The following GNL3L variants were observed in gnomAD, a reference collection of about 807,000 sequenced individuals.
GNL3L encodes guanine nucleotide-binding protein-like 3-like protein.
A neutral mutation model predicts 42.9 loss-of-function variants in GNL3L; 4 were observed. The observed-to-expected ratio is 0.09, with a 90% confidence interval of 0.05 to 0.21. The LOEUF is 0.21. Among genes scored for constraint, GNL3L ranks in the 10% least tolerant of loss-of-function variants. The pLI is 1.00. For synonymous variants in GNL3L, 159 were observed against 176.3 expected (o/e 0.90, Z 0.78); for missense variants, 412 against 481.7 (o/e 0.86, Z 1.36).
rs1409748849 is a variant in GNL3L, at chrX:54,562,705, A to T, written c.*2103A>T. On this transcript the variant is annotated 3_prime_UTR_variant, in exon 16 of 16. Transcript: ENST00000360845. ...TTATGCAGGAGGCTGAGGCAGGAGA[A>T]TCACTTGATCTCAGGAGGCGGAGGT... Among the ~76,000 whole-genome samples the T allele has an allele frequency of 9.1e-6, 1 of 110,287 alleles. No individual in the cohort carries two copies. The highest frequency in any genetic ancestry group is 2.9e-4 in the East Asian group (1 of 3,506).
intron 13 of GNL3L, among the ~76,000 whole-genome samples, chrX:54,553,852 TTC>T (rs1369048620): frequency 1.8e-5 from 2 of 111,919 alleles, no homozygotes; most frequent in East Asian, 5.6e-4. Context: ...TAGTTTCCTC[TTC>T]TGTTAAATAG....
the GNL3L span, among the ~76,000 whole-genome samples, chrX:54,639,379 C>G: frequency 6.2e-5 from 7 of 112,365 alleles, no homozygotes; most frequent in African/African-American, 2.3e-4. Context: ...CGTGCCCCGC[C>G]CGCCCGACTC....
intron 16 of GNL3L, among the ~76,000 whole-genome samples, chrX:54,611,032 T>C (rs1402406610): frequency 9.0e-6 from 1 of 111,444 alleles, no homozygotes; most frequent in Non-Finnish European, 1.9e-5. Context: ...CTGCTTGTTA[T>C]TGGTCTGTTC....
the GNL3L span, among the ~76,000 whole-genome samples, chrX:54,628,143 C>T: frequency 5.4e-5 from 6 of 110,380 alleles, no homozygotes; most frequent in Admixed American, 9.8e-5. Flanking sequence ...GAATAATGGT[C>T]TCCAACTCCG....
intron 8 of GNL3L, among the ~76,000 whole-genome samples, chrX:54,547,567 T>C (rs1391632484): frequency 9.1e-6 from 1 of 110,258 alleles, no homozygotes; most frequent in Non-Finnish European, 1.9e-5. Flanking sequence ...TAGCCGGGTG[T>C]GGTGGTGCAT....
At chrX:54,631,685 C>A in the GNL3L span, among the ~76,000 whole-genome samples, 2 of 111,648 alleles carry the variant, frequency 1.8e-5, no homozygotes, top group African/African-American at 6.5e-5. Context: ...CTCTTGAAGA[C>A]AGCAGGTACT....
intron 8 of GNL3L, among the ~76,000 whole-genome samples, chrX:54,547,338 C>T (rs1924805454): frequency 9.0e-6 from 1 of 111,580 alleles, no homozygotes; most frequent in Admixed American, 9.6e-5. Flanking sequence ...TTGTATTCCA[C>T]TTTAAGGCTA....
the GNL3L span, among the ~76,000 whole-genome samples, chrX:54,631,045 G>A: frequency 2.7e-5 from 3 of 109,603 alleles, no homozygotes; most frequent in African/African-American, 1.0e-4. Context: ...GACCTCAGGC[G>A]ATCCACCCGC....
chrX:54,614,829 G>A (rs1926203499), intron 16 of GNL3L, among the ~76,000 whole-genome samples: 2 of 111,115 alleles, frequency 1.8e-5, no homozygotes, highest in South Asian at 7.6e-4. Flanking sequence ...GGGTCCTCTT[G>A]GGATTGCTTG....
chrX:54,572,628 CG>C (rs1325087493), intron 16 of GNL3L, among the ~76,000 whole-genome samples: 2 of 105,816 alleles, frequency 1.9e-5, no homozygotes, highest in African/African-American at 7.0e-5. Flanking sequence ...GCTGGCCGGG[CG>C]GGGGGCTGAC....
Position 54,554,644 on chromosome X carries a change from G to A in GNL3L, c.1398G>A (p.Pro466=), listed in dbSNP as rs761631398. The change falls in exon 14 of 16, where the codon CCG becomes CCA. Residue 466 remains proline, a synonymous_variant. Coordinates refer to ENST00000360845, the MANE Select transcript of GNL3L (RefSeq NM_001184819.2). ...LEMEIKLLHS[P]MTKIADAIEN... The stretch of plus-strand genomic sequence containing the variant: ...TGGAGATCAAGTTGCTCCATTCTCC[G>A]ATGACGAAAATAGCAGATGCCATTG... The A allele has an allele frequency of 2.5e-6, 3 of 1,206,008 alleles. No homozygotes were observed. Among genetic ancestry groups the A allele is most frequent in the Non-Finnish European group, 3.4e-6 (3 of 890,526 alleles).
intron 16 of GNL3L, among the ~76,000 whole-genome samples, chrX:54,572,794 C>T (rs1390830605): frequency 5.7e-5 from 6 of 105,271 alleles, no homozygotes; most frequent in South Asian, 4.3e-4. Flanking sequence ...TCAGACGGGG[C>T]AGCTGCCGGG....
intron 16 of GNL3L, among the ~76,000 whole-genome samples, chrX:54,573,043 A>G (rs12389665): frequency 0.12 from 12,103 of 101,454 alleles, 1,195 homozygotes; most frequent in African/African-American, 0.32. Context: ...CCGGGCAGAG[A>G]CGCTCCTCAC....
intron 16 of GNL3L, among the ~76,000 whole-genome samples, chrX:54,579,797 C>A (rs1013099992): frequency 6.3e-5 from 7 of 111,603 alleles, no homozygotes; most frequent in African/African-American, 2.3e-4. Flanking sequence ...CCTGCCTCAG[C>A]CTCCCTAGTA....
chrX:54,584,054 A>G (rs1168521380), intron 16 of GNL3L, among the ~76,000 whole-genome samples: 1 of 109,228 alleles, frequency 9.2e-6, no homozygotes, highest in African/African-American at 3.4e-5. Context: ...ATCATACTAC[A>G]GTATTCTCCA....
chrX:54,554,532 A>T (rs371947211), intron 13 of GNL3L, 33 bp from the exon 14 acceptor site: 738 of 1,151,604 alleles, frequency 6.4e-4, no homozygotes, highest in Non-Finnish European at 8.1e-4. Flanking sequence ...GAGGGGAGCC[A>T]GGGCCCTGAC....
chrX:54,532,354 G>C (rs1924276622), intron 1 of GNL3L, among the ~76,000 whole-genome samples, 166 bp from the exon 2 acceptor site: 1 of 110,686 alleles, frequency 9.0e-6, no homozygotes, highest in South Asian at 3.8e-4. Context: ...TTCTCTGTGT[G>C]GACTCAGCCA....
chrX:54,577,994 C>T (rs1055016338), intron 16 of GNL3L, among the ~76,000 whole-genome samples: 2 of 111,480 alleles, frequency 1.8e-5, no homozygotes, highest in Admixed American at 9.6e-5. Flanking sequence ...CTGCCTGCCT[C>T]GGCCTCCCAA....
intron 5 of GNL3L, among the ~76,000 whole-genome samples, chrX:54,542,559 C>T (rs1395051723): frequency 3.6e-5 from 4 of 111,274 alleles, no homozygotes; most frequent in East Asian, 2.8e-4. Flanking sequence ...AATAAACATA[C>T]GTGTGCATGT....
Sources: allele counts gnomAD v4.1 joint callset (sites outside exome capture counted in the v4.1 genomes callset), GRCh38; gene constraint gnomAD v4.1.1; transcripts MANE v1.5; gene names NCBI Gene and HGNC (gene_info 2026-07-23, HGNC 2026-07-21).